The following NFATC3 variants were observed in gnomAD, a reference collection of about 807,000 sequenced individuals.
NFATC3 encodes the protein nuclear factor of activated T-cells, cytoplasmic 3.
In NFATC3, 46 loss-of-function variants were observed where a neutral mutation model predicts 98.6. The ratio of observed to expected loss-of-function variants is 0.47; its 90% CI spans 0.37 to 0.60. NFATC3 has a LOEUF of 0.60. Among genes scored for constraint, NFATC3 ranks in the 20% least tolerant of loss-of-function variants. The pLI, the probability that NFATC3 is intolerant of heterozygous loss-of-function variation, is 0.00. For synonymous variants in NFATC3, 512 were observed against 472.2 expected (o/e 1.08, Z -1.09); for missense variants, 1,256 against 1,295.5 (o/e 0.97, Z 0.47).
intron 9 of NFATC3, among the ~76,000 whole-genome samples, chr16:68,202,126 A>G (rs927780234): frequency 6.6e-6 from 1 of 152,106 alleles, no homozygotes; most frequent in African/African-American, 2.4e-5. Flanking sequence ...ACAGACTAAC[A>G]GAGCCACAGC....
intron 5 of NFATC3, among the ~76,000 whole-genome samples, chr16:68,169,883 G>T (rs2039377398): frequency 6.6e-6 from 1 of 151,928 alleles, no homozygotes; most frequent in Non-Finnish European, 1.5e-5. Flanking sequence ...GGAGGTTGCA[G>T]TGAGCTGAGA....
intron 4 of NFATC3, among the ~76,000 whole-genome samples, chr16:68,159,355 A>C (rs533060497): frequency 2.0e-4 from 31 of 151,456 alleles, no homozygotes; most frequent in Non-Finnish European, 4.3e-4. Flanking sequence ...TGGGAAACTT[A>C]GATTTTTATT....
intron 9 of NFATC3, among the ~76,000 whole-genome samples, chr16:68,222,357 G>C (rs965980928): frequency 7.4e-6 from 1 of 135,846 alleles, no homozygotes; most frequent in African/African-American, 2.7e-5. Context: ...GAGAAAACAC[G>C]TCATGTGGTT....
At chr16:68,095,429 T>C (rs934180190) in intron 1 of NFATC3, among the ~76,000 whole-genome samples, 7 of 146,836 alleles carry the variant, frequency 4.8e-5, no homozygotes, top group Non-Finnish European at 8.9e-5. Context: ...CTCTGCTCAC[T>C]GCAACTTCCA....
chr16:68,205,436 A>T (rs1336572652), intron 9 of NFATC3, among the ~76,000 whole-genome samples: 1 of 151,978 alleles, frequency 6.6e-6, no homozygotes, highest in Non-Finnish European at 1.5e-5. Context: ...TTTTTTGTAG[A>T]GGCAGGCTTT....
intron 9 of NFATC3, among the ~76,000 whole-genome samples, chr16:68,196,523 A>G (rs1444041525): frequency 6.6e-6 from 1 of 152,188 alleles, no homozygotes; most frequent in African/African-American, 2.4e-5. Context: ...AAGTTCTGCA[A>G]ACTTTTAATG....
chr16:68,141,180 T>C (rs1431226770), intron 3 of NFATC3, among the ~76,000 whole-genome samples: 3 of 152,142 alleles, frequency 2.0e-5, no homozygotes, highest in Non-Finnish European at 2.9e-5. Context: ...GGTGTAGATA[T>C]ACCACATTTT....
chr16:68,153,929 T>A lies in NFATC3; in HGVS notation c.1402-3940T>A, dbSNP rs187881123. 4.4e-3 allele frequency among the ~76,000 whole-genome samples: 675 copies of A among 152,218 alleles called. 20 individuals are homozygous for A. The highest frequency in any genetic ancestry group is 0.04 in the Admixed American group (615 of 15,280). On this transcript the variant is annotated intron_variant, in intron 3 of 9. Coordinates refer to ENST00000346183, the MANE Select transcript of NFATC3 (RefSeq NM_173165.3). ...GTGCCCGGCCCACATTATTATTTTT[T>A]TAAGAGACAAGGTCTCACACTCTGT...
chr16:68,161,315 A>G (rs996558020), intron 4 of NFATC3, among the ~76,000 whole-genome samples: 1 of 152,220 alleles, frequency 6.6e-6, no homozygotes, highest in African/African-American at 2.4e-5. Flanking sequence ...TTTGCAGGCC[A>G]TGTTTGCATT....
intron 3 of NFATC3, among the ~76,000 whole-genome samples, chr16:68,144,423 G>A (rs1285250305): frequency 1.3e-5 from 2 of 151,558 alleles, no homozygotes; most frequent in Non-Finnish European, 2.9e-5. Context: ...TCACTCTGGG[G>A]CATTTATAAC....
In NFATC3 at chr16:68,097,728, T is replaced by TA. The variant is rs1736225718; in HGVS notation, c.103+11948dup. On this transcript the variant is annotated intron_variant, in intron 1 of 9. Coordinates refer to ENST00000346183, the MANE Select transcript of NFATC3 (RefSeq NM_173165.3). The stretch of plus-strand genomic sequence containing the variant: ...ATCTATTTCAACAGCTTTATTGAGG[T>TA]AAAATTGACATTTAATAAACAACAT... Among the ~76,000 whole-genome samples the TA allele has an allele frequency of 8.7e-5, 13 of 148,910 alleles. No homozygotes were observed. In the South Asian group the frequency reaches 2.6e-3, roughly 29 times the overall value.
chr16:68,133,355 TTTGA>T (rs1024787796), intron 3 of NFATC3, among the ~76,000 whole-genome samples: 2 of 152,228 alleles, frequency 1.3e-5, no homozygotes, highest in African/African-American at 4.8e-5. Flanking sequence ...CTTAACCTGA[TTTGA>T]TTATTATACA....
chr16:68,177,168 C>G (rs1276374880), intron 6 of NFATC3, among the ~76,000 whole-genome samples: 2 of 151,796 alleles, frequency 1.3e-5, no homozygotes, highest in Non-Finnish European at 2.9e-5. Flanking sequence ...CTGCCTCAGT[C>G]TCCCAAATAG....
intron 1 of NFATC3, among the ~76,000 whole-genome samples, chr16:68,110,140 G>A (rs1963281850): frequency 6.6e-6 from 1 of 151,976 alleles, no homozygotes; most frequent in South Asian, 2.1e-4. Flanking sequence ...GAGTAGGTGG[G>A]ATTATAGGCA....
At chr16:68,115,956 A>G (rs1223726713) in intron 1 of NFATC3, among the ~76,000 whole-genome samples, 1 of 152,178 alleles carries the variant, frequency 6.6e-6, no homozygotes, top group Non-Finnish European at 1.5e-5. Flanking sequence ...TTAAAGTCAC[A>G]GTATATACGT....
At chr16:68,222,305 A>T (rs1446010907) in intron 9 of NFATC3, among the ~76,000 whole-genome samples, 1 of 132,928 alleles carries the variant, frequency 7.5e-6, no homozygotes, top group Admixed American at 7.6e-5. Context: ...AAAAAAAAAA[A>T]AAAAAAAAAA....
chr16:68,145,922 A>G (rs1046131714), intron 3 of NFATC3, among the ~76,000 whole-genome samples: 1 of 152,204 alleles, frequency 6.6e-6, no homozygotes, highest in Non-Finnish European at 1.5e-5. Flanking sequence ...TGTGCTAACT[A>G]CAGTTCAATA....
chr16:68,138,196 C>T (rs1429850550), intron 3 of NFATC3, among the ~76,000 whole-genome samples: 1 of 151,858 alleles, frequency 6.6e-6, no homozygotes, highest in African/African-American at 2.4e-5. Flanking sequence ...CCAACACACC[C>T]ACCCAGTTAA....
At chr16:68,188,153 T>C (rs1466445519) in intron 8 of NFATC3, among the ~76,000 whole-genome samples, 4 of 152,066 alleles carry the variant, frequency 2.6e-5, no homozygotes, top group African/African-American at 9.7e-5. Context: ...TCAACCTCGC[T>C]CCAAGATTGA....
Sources: gnomAD v4.1 joint callset for allele counts (sites outside exome capture counted in the v4.1 genomes callset) on GRCh38, gnomAD v4.1.1 for gene constraint, MANE v1.5 for transcripts, NCBI Gene and HGNC (gene_info 2026-07-23, HGNC 2026-07-21) for gene names.